Variants in DIXDC1 observed in about 807,000 individuals in gnomAD.
DIXDC1 encodes the protein dixin.
A neutral mutation model predicts 103.1 loss-of-function variants in DIXDC1; 64 were observed. The ratio of observed to expected loss-of-function variants is 0.62; its 90% CI spans 0.51 to 0.76. The LOEUF (loss-of-function observed/expected upper bound fraction) is 0.76, where lower values mean the gene tolerates loss of function less well. Among genes scored for constraint, DIXDC1 ranks in the 30% least tolerant of loss-of-function variants. DIXDC1 has a pLI of 0.00. For missense variants in DIXDC1, 759 were observed against 834.2 expected, an observed-to-expected ratio of 0.91 and a Z score of 1.11; for synonymous variants, 266 against 298.5, an observed-to-expected ratio of 0.89 and a Z score of 1.12.
At chr11:111,953,674 T>C (rs1214363463) in intron 1 of DIXDC1, among the ~76,000 whole-genome samples, 1 of 152,120 alleles carries the variant, frequency 6.6e-6, no homozygotes, top group Non-Finnish European at 1.5e-5. Context: ...AATTTGGGGC[T>C]AACCAAAAAT....
rs1860957790 is a variant in DIXDC1, at chr11:111,998,043, A to G, written c.1756+1897A>G. ...CAGTCTTTTATCTGTTACTTTGCTT[A>G]GTGTTCTTCTTGTTGGGTCTCTGTT... On this transcript the variant is annotated intron_variant, in intron 17 of 19. Transcript: ENST00000440460. The surrounding 1 kb of genome is among the most constrained non-coding windows in gnomAD (Gnocchi z 4.1). Among the ~76,000 whole-genome samples, 1 of 152,112 alleles carries G rather than the reference A, an allele frequency of 6.6e-6. No homozygotes were observed. The highest frequency in any genetic ancestry group is 2.4e-5 in the African/African-American group (1 of 41,412).
chr11:112,000,818 G>T (rs1804215613), intron 17 of DIXDC1, among the ~76,000 whole-genome samples: 1 of 152,120 alleles, frequency 6.6e-6, no homozygotes, highest in Non-Finnish European at 1.5e-5. Context: ...GTCAAAAATG[G>T]AGAATAATAA....
At chr11:112,005,173 C>T (rs587607207) in intron 17 of DIXDC1, among the ~76,000 whole-genome samples, 81 of 151,910 alleles carry the variant, frequency 5.3e-4, no homozygotes, top group Non-Finnish European at 9.4e-4. Flanking sequence ...TTATAGGAAA[C>T]CCACTATAAA....
chr11:111,964,755 G>C, intron 2 of DIXDC1, 77 bp downstream of exon 2: 3 of 1,461,784 alleles, frequency 2.1e-6, no homozygotes, highest in Non-Finnish European at 2.7e-6. Flanking sequence ...ATGCCCTTTA[G>C]AGCAGGTTAT....
intron 1 of DIXDC1, among the ~76,000 whole-genome samples, chr11:111,949,775 C>T (rs1966716338): frequency 6.6e-6 from 1 of 152,204 alleles, no homozygotes; most frequent in East Asian, 1.9e-4. Context: ...TCTTCTGACC[C>T]TTCCTCCTTC....
At position 112,008,258 on chromosome 11, in the gene DIXDC1, A is replaced by T. The variant is rs1475788889; in HGVS notation, c.1757-8433A>T. Among the ~76,000 whole-genome samples the T allele has an allele frequency of 2.0e-5, 3 of 152,230 alleles. No homozygotes were observed. The East Asian group carries it at 5.8e-4, about 29-fold the overall frequency. The stretch of plus-strand genomic sequence containing the variant: ...GTAAAGGGATCAATTCAACAAGAAG[A>T]GCTAACTATCCTAAATTTATATGCA... On this transcript the variant is annotated intron_variant, in intron 17 of 19. Transcript: ENST00000440460.
chr11:111,936,489 G>C (rs1966189504), upstream of DIXDC1, among the ~76,000 whole-genome samples: 4 of 152,112 alleles, frequency 2.6e-5, no homozygotes, highest in Admixed American at 2.6e-4. Flanking sequence ...ATTAAAATAT[G>C]GGTTGTATAT....
At chr11:111,995,888 G>A (rs1016593200) in intron 16 of DIXDC1, among the ~76,000 whole-genome samples, 192 bp from the exon 17 acceptor site, 3 of 152,066 alleles carry the variant, frequency 2.0e-5, no homozygotes, top group African/African-American at 4.8e-5. Flanking sequence ...GAAAATATAC[G>A]GAAAATGCAC....
At chr11:112,000,048 T>A (rs1180626074) in intron 17 of DIXDC1, among the ~76,000 whole-genome samples, 3 of 152,024 alleles carry the variant, frequency 2.0e-5, no homozygotes, top group Non-Finnish European at 2.9e-5. Context: ...GGCACAAGAA[T>A]CACTTGAACC....
Position 111,929,732 on chromosome 11 carries a change from G to A in DIXDC1, c.-36-86G>A. ...TTAAGTTGGTAGGTTTTGGGGAGGG[G>A]TCTGGCCCCAACTCGGTTAGTTGAG... On this transcript the variant is annotated intron_variant, in intron 1 of 5. Coordinates refer to the DIXDC1 transcript ENST00000529225. 2.5e-6 allele frequency: 2 copies of A among 800,174 alleles called. 1 individual carries two copies. Among genetic ancestry groups the A allele is most frequent in the South Asian group, 3.6e-5 (2 of 55,164 alleles). 49.6% of individuals were successfully genotyped at this position (800,174 alleles called of 1,614,324 possible). A position where few individuals can be genotyped will look rare whatever the true frequency, so the allele number is the denominator to read the frequency against.
At chr11:111,954,497 A>G (rs1966871938) in intron 1 of DIXDC1, among the ~76,000 whole-genome samples, 1 of 152,220 alleles carries the variant, frequency 6.6e-6, no homozygotes, top group Non-Finnish European at 1.5e-5. Context: ...ATAACATTAC[A>G]TTGTATTAGC....
intron 3 of DIXDC1, among the ~76,000 whole-genome samples, chr11:111,969,998 C>A (rs1859862242): frequency 6.6e-6 from 1 of 152,156 alleles, no homozygotes; most frequent in South Asian, 2.1e-4. Context: ...GCTCCTAGAA[C>A]TAATAAATGA....
chr11:111,989,105 G>T (rs1555174222), intron 10 of DIXDC1, 50 bp downstream of exon 10: 1 of 1,493,440 alleles, frequency 6.7e-7, no homozygotes, highest in African/African-American at 1.4e-5. Flanking sequence ...GCAATGTAAA[G>T]TAGTCTGTTG....
intron 17 of DIXDC1, among the ~76,000 whole-genome samples, chr11:112,006,846 G>C (rs2137619729): frequency 6.6e-6 from 1 of 152,292 alleles, no homozygotes; most frequent in Non-Finnish European, 1.5e-5. Flanking sequence ...CCACAAAGAT[G>C]GGGAGAAACC....
chr11:111,994,127 C>T (rs1478198303), intron 14 of DIXDC1, among the ~76,000 whole-genome samples: 1 of 152,216 alleles, frequency 6.6e-6, no homozygotes, highest in African/African-American at 2.4e-5. Context: ...TGGCTCACAT[C>T]TGTAATCCTA....
chr11:111,968,655 A>G lies in DIXDC1; in HGVS notation c.316+17A>G. On this transcript the variant is annotated intron_variant, in intron 3 of 19. Transcript: ENST00000440460. ...CGGCTAAAGGTCAGTGCCTCATCAC[A>G]TCCTTGGTGCATGAGTATACTTTAA... 4.4e-6 allele frequency: 7 copies of G among 1,601,090 alleles called. No homozygotes were observed. Among genetic ancestry groups the G allele is most frequent in the Non-Finnish European group, 6.0e-6 (7 of 1,173,422 alleles).
intron 2 of DIXDC1, among the ~76,000 whole-genome samples, chr11:111,931,163 C>A (rs1027082568): frequency 6.6e-6 from 1 of 151,870 alleles, no homozygotes; most frequent in Non-Finnish European, 1.5e-5. Context: ...CGAGACCCCC[C>A]CTTTCTACAA....
In DIXDC1 at chr11:112,002,338, G is replaced by C. The variant is rs587745637; in HGVS notation, c.1756+6192G>C. ...ATGCACCATTGGTGGGCATGTAAATGAGTATAGTTAAATAGAAAACAATGT... is the reference window on the plus strand; with the variant it reads ...ATGCACCATTGGTGGGCATGTAAATCAGTATAGTTAAATAGAAAACAATGT... On this transcript the variant is annotated intron_variant, in intron 17 of 19. Transcript: ENST00000440460. Among the ~76,000 whole-genome samples, 22 of 151,266 alleles carry C rather than the reference G, an allele frequency of 1.5e-4. 1 individual carries two copies. In the South Asian group the frequency reaches 4.6e-3, roughly 32 times the overall value.
At chr11:111,968,223 C>T (rs1859801400) in intron 2 of DIXDC1, among the ~76,000 whole-genome samples, 1 of 152,100 alleles carries the variant, frequency 6.6e-6, no homozygotes, top group South Asian at 2.1e-4. Context: ...CTCTGGTGCC[C>T]AGAATAGTGA....
Sources: allele counts gnomAD v4.1 joint callset (sites outside exome capture counted in the v4.1 genomes callset), GRCh38; gene constraint gnomAD v4.1.1; non-coding constraint Gnocchi (gnomAD v3.1); transcripts MANE v1.5; gene names NCBI Gene and HGNC (gene_info 2026-07-23, HGNC 2026-07-21).